Variants in EPHA5 observed in about 807,000 individuals in gnomAD.
EPHA5 encodes EPH receptor A5.
A neutral mutation model predicts 105.0 loss-of-function variants in EPHA5; 60 were observed. The ratio of observed to expected loss-of-function variants is 0.57; its 90% CI spans 0.46 to 0.71. EPHA5 has a LOEUF of 0.71. EPHA5 is among the 30% of genes least tolerant of loss of function. The pLI, the probability that EPHA5 is intolerant of heterozygous loss-of-function variation, is 0.00. For missense variants in EPHA5, 1,218 were observed against 1,274.7 expected, an observed-to-expected ratio of 0.96 and a Z score of 0.68; for synonymous variants, 513 against 449.1, an observed-to-expected ratio of 1.14 and a Z score of -1.80.
chr4:65,465,497 AAG>A (rs1424799734), intron 5 of EPHA5, among the ~76,000 whole-genome samples: 14 of 119,768 alleles, frequency 1.2e-4, no homozygotes, highest in Admixed American at 6.2e-4. Context: ...GAAAGAAAGA[AAG>A]AAAGAAAGAA....
At chr4:65,482,115 C>T (rs545650729) in intron 5 of EPHA5, among the ~76,000 whole-genome samples, 30 of 151,892 alleles carry the variant, frequency 2.0e-4, no homozygotes, top group Admixed American at 2.0e-4. Context: ...ATGGCCAACA[C>T]GGGGAAATCA....
intron 3 of EPHA5, among the ~76,000 whole-genome samples, chr4:65,594,509 C>A (rs977618318): frequency 2.0e-5 from 3 of 152,068 alleles, no homozygotes; most frequent in Non-Finnish European, 2.9e-5. Context: ...ATAGCATTTG[C>A]CTGTTACATT....
intron 2 of EPHA5, among the ~76,000 whole-genome samples, chr4:65,633,021 A>C (rs145820089): frequency 2.6e-5 from 4 of 152,190 alleles, no homozygotes; most frequent in Admixed American, 2.6e-4. Context: ...TAGGATCACA[A>C]AGACAACAAT....
chr4:65,353,715 C>A (rs1451180), intron 11 of EPHA5, among the ~76,000 whole-genome samples: 96,401 of 151,528 alleles, frequency 0.64, 31,475 homozygotes, highest in East Asian at 0.81. Context: ...TCCATCCTAT[C>A]TAACTGCCCT....
intron 5 of EPHA5, among the ~76,000 whole-genome samples, chr4:65,459,881 TATTG>T: frequency 6.6e-6 from 1 of 151,756 alleles, no homozygotes; most frequent in East Asian, 1.9e-4. Context: ...TAATGAAAAA[TATTG>T]ATTGATTATA....
chr4:65,410,509 G>T (rs2149007645), intron 7 of EPHA5, among the ~76,000 whole-genome samples: 1 of 152,226 alleles, frequency 6.6e-6, no homozygotes, highest in African/African-American at 2.4e-5. Context: ...GAGGTCGGTG[G>T]TAGATACACA....
chr4:65,330,872 C>G, intron 16 of EPHA5: 2 of 1,035,014 alleles, frequency 1.9e-6, no homozygotes, highest in Non-Finnish European at 2.3e-6. Flanking sequence ...AGAAAGCAAG[C>G]TGAGTGGTTG....
intron 2 of EPHA5, among the ~76,000 whole-genome samples, chr4:65,624,207 A>G (rs1745941442): frequency 6.6e-6 from 1 of 152,208 alleles, no homozygotes; most frequent in Admixed American, 6.5e-5. Context: ...AAATGAAAGA[A>G]TTATTATGCT....
chr4:65,596,503 A>AC (rs1241745572), intron 3 of EPHA5, among the ~76,000 whole-genome samples: 1 of 152,170 alleles, frequency 6.6e-6, no homozygotes, highest in Admixed American at 6.6e-5. Context: ...CAAACAAAAA[A>AC]CAAAAAAACA....
At chr4:65,325,961 C>A (rs774489411) in intron 16 of EPHA5, among the ~76,000 whole-genome samples, 27 of 150,104 alleles carry the variant, frequency 1.8e-4, no homozygotes, top group Non-Finnish European at 3.7e-4. Flanking sequence ...TTGTCAATTT[C>A]CCCTTAGTGA....
chr4:65,669,121 G>A (rs1459956083), intron 1 of EPHA5, among the ~76,000 whole-genome samples: 1 of 151,878 alleles, frequency 6.6e-6, no homozygotes, highest in South Asian at 2.1e-4. Flanking sequence ...CTCAAATAAC[G>A]GTTTCTAAAA....
intron 8 of EPHA5, among the ~76,000 whole-genome samples, chr4:65,390,354 C>T (rs1720585176): frequency 6.6e-6 from 1 of 151,982 alleles, no homozygotes; most frequent in Non-Finnish European, 1.5e-5. Flanking sequence ...TCAAACTAGC[C>T]AATATACTTT....
chr4:65,332,602 G>A (rs1173968853), intron 15 of EPHA5, among the ~76,000 whole-genome samples: 4 of 149,664 alleles, frequency 2.7e-5, no homozygotes, highest in Non-Finnish European at 5.9e-5. Flanking sequence ...GGCGGTTGAT[G>A]CTGGTAATGG....
At chr4:65,581,380 C>G (rs1387126439) in intron 3 of EPHA5, among the ~76,000 whole-genome samples, 1 of 151,574 alleles carries the variant, frequency 6.6e-6, no homozygotes, top group Non-Finnish European at 1.5e-5. Flanking sequence ...GCTAAGAAGT[C>G]AAAAGATTAG....
chr4:65,652,074 G>T (rs1578694534), intron 1 of EPHA5, among the ~76,000 whole-genome samples: 1 of 152,088 alleles, frequency 6.6e-6, no homozygotes, highest in African/African-American at 2.4e-5. Flanking sequence ...AAAAAGAAAA[G>T]CCAACATTAG....
At chr4:65,648,558 T>C (rs995626572) in intron 1 of EPHA5, among the ~76,000 whole-genome samples, 1 of 152,202 alleles carries the variant, frequency 6.6e-6, no homozygotes, top group Non-Finnish European at 1.5e-5. Flanking sequence ...TATCTTCACA[T>C]TAACAAACAC....
chr4:65,496,936 A>G (rs1732002885), intron 3 of EPHA5, among the ~76,000 whole-genome samples: 1 of 152,214 alleles, frequency 6.6e-6, no homozygotes. Context: ...TAAGCTTATC[A>G]TCAGGTAAAT....
intron 3 of EPHA5, among the ~76,000 whole-genome samples, chr4:65,584,598 T>C (rs1741938890): frequency 6.6e-6 from 1 of 151,960 alleles, no homozygotes; most frequent in African/African-American, 2.4e-5. Flanking sequence ...ATGGAATACC[T>C]ATTAGAAAAG....
chr4:65,352,777 A>C (rs1338729064), intron 12 of EPHA5, among the ~76,000 whole-genome samples: 1 of 118,720 alleles, frequency 8.4e-6, no homozygotes, highest in Admixed American at 1.0e-4. Context: ...ATTCCCTTCT[A>C]CTTCTCTGCA....
Sources: gnomAD v4.1 joint callset for allele counts (sites outside exome capture counted in the v4.1 genomes callset) on GRCh38, gnomAD v4.1.1 for gene constraint, MANE v1.5 for transcripts, NCBI Gene and HGNC (gene_info 2026-07-23, HGNC 2026-07-21) for gene names.